ZFYVE26: variants seen among roughly 807,000 people sequenced by gnomAD.
The protein encoded by ZFYVE26 is zinc finger FYVE-type containing 26, also known as zinc finger FYVE domain-containing protein 26.
Under a neutral mutation model 276.5 loss-of-function variants are expected in ZFYVE26, and 181 were observed. That is an observed-to-expected ratio of 0.65 (90% CI 0.58 to 0.74). ZFYVE26 has a LOEUF of 0.74. ZFYVE26 is among the 30% of genes least tolerant of loss of function. The pLI is 0.00. For missense variants in ZFYVE26, 2,821 were observed against 3,097.9 expected, an observed-to-expected ratio of 0.91 and a Z score of 2.12; for synonymous variants, 1,129 against 1,203.1, an observed-to-expected ratio of 0.94 and a Z score of 1.27.
At chr14:67,787,443 C>T (rs1416826403) in intron 16 of ZFYVE26, among the ~76,000 whole-genome samples, 1 of 152,096 alleles carries the variant, frequency 6.6e-6, no homozygotes, top group East Asian at 1.9e-4. Context: ...TTCAATTGCA[C>T]ATTTAACAAT....
At position 67,795,264 on chromosome 14, in the gene ZFYVE26, T is replaced by C. The variant is rs17104683; in HGVS notation, c.2333-1025A>G. Among the ~76,000 whole-genome samples, 1,119 of 152,316 alleles carry C rather than the reference T, an allele frequency of 7.3e-3. 12 individuals are homozygous for C. The highest frequency in any genetic ancestry group is 0.026 in the African/African-American group (1,085 of 41,574). Reference sequence around the variant, plus strand: ...CTGCCTTCTGACCCAAAACAATTAATGTAGCAGCTTAAGGGACTTAGCAAC... The same window carrying C: ...CTGCCTTCTGACCCAAAACAATTAACGTAGCAGCTTAAGGGACTTAGCAAC... On this transcript the variant is annotated intron_variant, in intron 12 of 41. Coordinates refer to ENST00000347230, the MANE Select transcript of ZFYVE26 (RefSeq NM_015346.4).
intron 21 of ZFYVE26, 43 bp from the exon 22 acceptor site, chr14:67,781,572 C>G: frequency 6.3e-7 from 1 of 1,585,904 alleles, no homozygotes; most frequent in Non-Finnish European, 8.6e-7. Context: ...AGCGTGGGAC[C>G]AGAAGAGTTC....
At chr14:67,733,123 A>G (rs1047064239) in intron 13 of ZFYVE26, among the ~76,000 whole-genome samples, 1 of 120,238 alleles carries the variant, frequency 8.3e-6, no homozygotes, top group Non-Finnish European at 2.0e-5. Context: ...AAGTATAATA[A>G]TAATAAAATT....
intron 20 of ZFYVE26, among the ~76,000 whole-genome samples, 192 bp from the exon 21 acceptor site, chr14:67,783,717 C>T (rs924214419): frequency 7.2e-5 from 11 of 152,120 alleles, no homozygotes; most frequent in African/African-American, 1.7e-4. Flanking sequence ...AACACTTCTG[C>T]GAGATCTATC....
intron 29 of ZFYVE26, among the ~76,000 whole-genome samples, chr14:67,768,986 GAT>G (rs2039132935): frequency 1.3e-5 from 2 of 152,202 alleles, no homozygotes; most frequent in Non-Finnish European, 2.9e-5. Context: ...CATATTCCTA[GAT>G]GCTCTAGGAG....
At chr14:67,750,911 C>A (rs1232679655) in intron 41 of ZFYVE26, 141 bp downstream of exon 41, 37 of 1,084,152 alleles carry the variant, frequency 3.4e-5, no homozygotes, top group Non-Finnish European at 4.8e-5. Context: ...CCTATCCAAG[C>A]CTCAGCTCCA....
chr14:67,769,474 T>G, intron 29 of ZFYVE26, 120 bp downstream of exon 29: 1 of 1,440,380 alleles, frequency 6.9e-7, no homozygotes, highest in South Asian at 1.2e-5. Flanking sequence ...GGCATTTCAG[T>G]GTGAATGTTA....
chr14:67,754,290 T>C, intron 37 of ZFYVE26, 78 bp from the exon 38 acceptor site: 2 of 1,576,166 alleles, frequency 1.3e-6, no homozygotes, highest in South Asian at 1.1e-5. Flanking sequence ...AGAAGTCGAA[T>C]AATATGGCAA....
At chr14:67,782,257 C>T (rs1181342139) in intron 21 of ZFYVE26, among the ~76,000 whole-genome samples, 1 of 152,210 alleles carries the variant, frequency 6.6e-6, no homozygotes, top group Non-Finnish European at 1.5e-5. Context: ...GCTTTCAAAG[C>T]AGTGGTCATC....
At position 67,790,697 on chromosome 14, in the gene ZFYVE26, A is replaced by G. The variant is rs2039789301; in HGVS notation, c.2630T>C (p.Ile877Thr). The G allele has an allele frequency of 6.2e-7, 1 of 1,614,184 alleles. No individual in the cohort carries two copies. Among genetic ancestry groups the G allele is most frequent in the Non-Finnish European group, 8.5e-7 (1 of 1,180,044 alleles). ...GTGCTCTACTTGGGCCAGTTCTTGG[A>G]TCACTTCCTGGTAGCGCTCCATGAA... ...LMFMERYQEV[I>T]QELAQVEHKI... is the part of the protein sequence containing the mutation. Residue 877 changes from isoleucine (I) to threonine (T), a missense_variant, in exon 15 of 42, where the codon ATC (isoleucine) becomes ACC (threonine). Physicochemically the swap from Ile to Thr is moderately conservative, Grantham distance 89 (BLOSUM62 -1). Coordinates refer to ENST00000347230, the MANE Select transcript of ZFYVE26 (RefSeq NM_015346.4).
rs1432024458 is a variant in ZFYVE26, at chr14:67,790,619, C to A, written c.2708G>T (p.Gly903Val). The change falls in exon 15 of 42, where the codon GGC (glycine) becomes GTC (valine). Residue 903 changes from glycine (G) to valine (V), a missense_variant. Transcript: ENST00000347230. ...DAGSSTIRRTGSGRSTLQAIG... is the reference protein window; with the variant it reads ...DAGSSTIRRTVSGRSTLQAIG... ...GGCCTGTAGAGTTGAGCGGCCACTGCCAGTTCTCCGAATGGTGCTGCTACC... is the reference window on the plus strand; with the variant it reads ...GGCCTGTAGAGTTGAGCGGCCACTGACAGTTCTCCGAATGGTGCTGCTACC... 3.1e-6 allele frequency: 5 copies of A among 1,614,102 alleles called. No individual in the cohort carries two copies. Among genetic ancestry groups the A allele is most frequent in the Non-Finnish European group, 4.2e-6 (5 of 1,180,006 alleles).
intron 16 of ZFYVE26, 140 bp from the exon 17 acceptor site, chr14:67,786,373 G>T: frequency 9.2e-7 from 1 of 1,086,242 alleles, no homozygotes; most frequent in Non-Finnish European, 1.3e-6. Flanking sequence ...GCCATTTTGG[G>T]TGACAACCAG....
intron 13 of ZFYVE26, among the ~76,000 whole-genome samples, chr14:67,736,933 A>G (rs534668797): frequency 1.4e-4 from 22 of 152,118 alleles, no homozygotes; most frequent in African/African-American, 5.1e-4. Context: ...TGGTCTTTAA[A>G]CACCCGCAGT....
chr14:67,767,672 C>T, intron 31 of ZFYVE26, 32 bp downstream of exon 31: 1 of 1,614,006 alleles, frequency 6.2e-7, no homozygotes, highest in Non-Finnish European at 8.5e-7. Context: ...CATAAAGAAA[C>T]TTAAGTGACC....
chr14:67,811,632 T>C (rs1407798500), intron 3 of ZFYVE26, among the ~76,000 whole-genome samples: 1 of 151,892 alleles, frequency 6.6e-6, no homozygotes, highest in African/African-American at 2.4e-5. Flanking sequence ...AACTAAAATA[T>C]GTTATATATA....
chr14:67,785,989 C>T lies in ZFYVE26; in HGVS notation c.3173G>A (p.Arg1058Gln), dbSNP rs758756745. ...SVEEKGGGPP[R>Q]CSITELLQMC... The stretch of plus-strand genomic sequence containing the variant: ...CTGAAGCAGTTCAGTGATGCTGCAC[C>T]GTGGAGGGCCTCCTCCCTTTTCTTC... The change falls in exon 18 of 42, where the codon CGG (arginine) becomes CAG (glutamine). Residue 1058 changes from arginine (R) to glutamine (Q), a missense_variant. Arg to Gln is a conservative substitution (Grantham distance 43). Transcript: ENST00000347230. 61 of 1,614,056 alleles carry T rather than the reference C, an allele frequency of 3.8e-5. No homozygotes were observed. The highest frequency in any genetic ancestry group is 1.5e-4 in the Admixed American group (9 of 60,002).
chr14:67,795,442 T>C (rs1374853515), intron 12 of ZFYVE26, among the ~76,000 whole-genome samples: 1 of 152,252 alleles, frequency 6.6e-6, no homozygotes, highest in Non-Finnish European at 1.5e-5. Context: ...CTGCAGGTCA[T>C]GCTGATATCC....
At position 67,755,033 on chromosome 14, in the gene ZFYVE26, C is replaced by A. The variant is rs1224610889; in HGVS notation, c.6986+18G>T. 1 of 1,613,142 alleles carries A rather than the reference C, an allele frequency of 6.2e-7. No homozygotes were observed. The highest frequency in any genetic ancestry group is 8.5e-7 in the Non-Finnish European group (1 of 1,179,982). ...CCCTTTCTGCCCCACACCAATAGTCCCCTGAACCTCCAGCTACCTTGACAC... is the reference window on the plus strand; with the variant it reads ...CCCTTTCTGCCCCACACCAATAGTCACCTGAACCTCCAGCTACCTTGACAC... On this transcript the variant is annotated intron_variant, in intron 37 of 41. Coordinates refer to ENST00000347230, the MANE Select transcript of ZFYVE26 (RefSeq NM_015346.4).
intron 10 of ZFYVE26, among the ~76,000 whole-genome samples, chr14:67,801,699 T>C (rs2040081911): frequency 1.3e-5 from 2 of 152,280 alleles, no homozygotes. Context: ...GAGTGTGCTC[T>C]ATGAAGTAAG....
Sources: allele counts gnomAD v4.1 joint callset (sites outside exome capture counted in the v4.1 genomes callset), GRCh38; gene constraint gnomAD v4.1.1; transcripts MANE v1.5; gene names NCBI Gene and HGNC (gene_info 2026-07-23, HGNC 2026-07-21).